The following AGAP1 variants were observed in gnomAD, a reference collection of about 807,000 sequenced individuals.
AGAP1 encodes ArfGAP with GTPase domain, ankyrin repeat and PH domain 1, also known as arf-GAP with GTPase, ANK repeat and PH domain-containing protein 1.
In AGAP1, 29 loss-of-function variants were observed where a neutral mutation model predicts 105.3. That is an observed-to-expected ratio of 0.28 (90% CI 0.21 to 0.38). The LOEUF (loss-of-function observed/expected upper bound fraction) is 0.38, where lower values mean the gene tolerates loss of function less well. Ranked by LOEUF, AGAP1 falls within the 10% of genes least tolerant of loss-of-function variation. AGAP1 has a pLI of 1.00. For synonymous variants in AGAP1, 509 were observed against 485.9 expected (o/e 1.05, Z -0.63); for missense variants, 998 against 1,165.1 (o/e 0.86, Z 2.09).
At position 236,126,280 on chromosome 2, in the gene AGAP1, CAGGTCATTGCCT is replaced by C. The variant is rs1316356104; in HGVS notation, c.*2160_*2171del. On this transcript the variant is annotated 3_prime_UTR_variant, in exon 18 of 18. Transcript: ENST00000304032. ...TATTGTAAATGTGAATAGAAAAAAA[CAGGTCATTGCCT>C]ATTTTTGAAGAACGCGTTGGTGTTC... is the stretch of plus-strand genomic sequence containing the variant. The C allele has an allele frequency of 1.3e-5, 2 of 152,166 alleles. No homozygotes were observed. The highest frequency in any genetic ancestry group is 1.3e-4 in the Admixed American group (2 of 15,282). 9.4% of individuals were successfully genotyped at this position (152,166 alleles called of 1,614,324 possible). A position where few individuals can be genotyped will look rare whatever the true frequency, so the allele number is the denominator to read the frequency against.
chr2:235,966,288 C>T (rs1374221779), intron 12 of AGAP1, among the ~76,000 whole-genome samples: 2 of 137,186 alleles, frequency 1.5e-5, no homozygotes, highest in African/African-American at 5.5e-5. Flanking sequence ...GCCTGTTCCT[C>T]TGGGGATGGA....
chr2:235,643,172 C>T (rs1039677340), intron 1 of AGAP1, among the ~76,000 whole-genome samples: 3 of 151,940 alleles, frequency 2.0e-5, no homozygotes, highest in African/African-American at 7.3e-5. Context: ...GTGGCTCGCA[C>T]GTGTAATACC....
rs1951820980 is a variant in AGAP1 at position 235,729,385 on chromosome 2, A to G, written c.311-11578A>G. On this transcript the variant is annotated intron_variant, in intron 3 of 17. Transcript: ENST00000304032. This position sits in a 1 kb window ranked among gnomAD's most constrained non-coding sequence, Gnocchi z 5.0. Reference sequence around the variant, plus strand: ...CTGGCAGTACCTCAGTGGCAGATGCAGCTCGTTCCAAGATGTTCCAGAGGC... The same window carrying G: ...CTGGCAGTACCTCAGTGGCAGATGCGGCTCGTTCCAAGATGTTCCAGAGGC... 6.6e-6 allele frequency among the ~76,000 whole-genome samples: 1 copy of G among 152,176 alleles called. No homozygotes were observed. The highest frequency in any genetic ancestry group is 1.5e-5 in the Non-Finnish European group (1 of 68,032).
intron 1 of AGAP1, chr2:235,670,826 G>T (rs1035249185): frequency 3.5e-6 from 5 of 1,412,428 alleles, no homozygotes; most frequent in African/African-American, 1.5e-5. Flanking sequence ...GGACAACAGC[G>T]ACCTGCAGCG....
chr2:235,534,210 T>G (rs1302151552), intron 1 of AGAP1, among the ~76,000 whole-genome samples: 1 of 152,138 alleles, frequency 6.6e-6, no homozygotes, highest in Non-Finnish European at 1.5e-5. Flanking sequence ...TGCCAGATGG[T>G]CGGTGTTCTT....
chr2:235,638,361 G>A (rs1348045965), intron 1 of AGAP1, among the ~76,000 whole-genome samples: 1 of 152,186 alleles, frequency 6.6e-6, no homozygotes, highest in African/African-American at 2.4e-5. Context: ...CCAGGCCTAT[G>A]TCTTGGGAGG....
intron 16 of AGAP1, among the ~76,000 whole-genome samples, chr2:236,110,498 G>A (rs937550247): frequency 1.3e-5 from 2 of 152,094 alleles, no homozygotes; most frequent in Non-Finnish European, 2.9e-5. Context: ...GGGAGTTCCA[G>A]ACTGCAGTGA....
Position 236,083,458 on chromosome 2 carries a change from G to A in AGAP1, c.2114+34177G>A, listed in dbSNP as rs959157816. On this transcript the variant is annotated intron_variant, in intron 16 of 17. Transcript: ENST00000304032. The surrounding 1 kb of genome is among the most constrained non-coding windows in gnomAD (Gnocchi z 5.3). Reference sequence around the variant, plus strand: ...TTTTTGGTATAAGCCCATCAAAGTTGGTGCCTAAATGCTGCAACTGATTCT... The same window carrying A: ...TTTTTGGTATAAGCCCATCAAAGTTAGTGCCTAAATGCTGCAACTGATTCT... 1.3e-5 allele frequency among the ~76,000 whole-genome samples: 2 copies of A among 152,160 alleles called. No individual in the cohort carries two copies. The highest frequency in any genetic ancestry group is 2.4e-5 in the African/African-American group (1 of 41,418).
chr2:235,780,541 G>T (rs924709011), intron 6 of AGAP1, among the ~76,000 whole-genome samples: 2 of 152,226 alleles, frequency 1.3e-5, no homozygotes, highest in African/African-American at 2.4e-5. Flanking sequence ...ACGGTGGGTA[G>T]AGTTGCTCGG....
chr2:235,799,546 A>G lies in AGAP1; in HGVS notation c.957+24A>G. 1.2e-6 allele frequency: 2 copies of G among 1,609,846 alleles called. No individual in the cohort carries two copies. The highest frequency in any genetic ancestry group is 8.5e-7 in the Non-Finnish European group (1 of 1,176,682). ...CCGTGAGTGTCAACCCTGGGTGGAG[A>G]TTTGAATGCGATTCCGAAGCGTTCC... On this transcript the variant is annotated intron_variant, in intron 8 of 17. Coordinates refer to ENST00000304032, the MANE Select transcript of AGAP1 (RefSeq NM_001037131.3). The surrounding 1 kb of genome is among the most constrained non-coding windows in gnomAD (Gnocchi z 5.0).
chr2:235,753,204 C>T lies in AGAP1; in HGVS notation c.673+2716C>T, dbSNP rs1014702271. ...ACCCACCTCTGTGTTGGAAGCATTT[C>T]GTTTTCTTCAGGTTGGGGGTGGCAA... On this transcript the variant is annotated intron_variant, in intron 6 of 17. Coordinates refer to ENST00000304032, the MANE Select transcript of AGAP1 (RefSeq NM_001037131.3). This position sits in a 1 kb window ranked among gnomAD's most constrained non-coding sequence, Gnocchi z 4.5. 6.6e-6 allele frequency among the ~76,000 whole-genome samples: 1 copy of T among 152,118 alleles called. No individual in the cohort carries two copies. The highest frequency in any genetic ancestry group is 1.5e-5 in the Non-Finnish European group (1 of 68,024).
intron 6 of AGAP1, among the ~76,000 whole-genome samples, chr2:235,773,673 G>A (rs917050315): frequency 4.6e-5 from 7 of 152,052 alleles, no homozygotes; most frequent in African/African-American, 1.7e-4. Context: ...AAATAATAGC[G>A]CCAGTTCATT....
chr2:235,806,852 TGTA>T (rs1445633410), intron 8 of AGAP1, among the ~76,000 whole-genome samples: 10 of 152,208 alleles, frequency 6.6e-5, no homozygotes, highest in Non-Finnish European at 1.0e-4. Flanking sequence ...CATATGTTGA[TGTA>T]GTAGATTTTC....
rs1179180336 is a variant in AGAP1 at position 235,992,806 on chromosome 2, G to C, written c.1645+24183G>C. Among the ~76,000 whole-genome samples the C allele has an allele frequency of 6.6e-6, 1 of 152,132 alleles. No homozygotes were observed. The highest frequency in any genetic ancestry group is 1.5e-5 in the Non-Finnish European group (1 of 68,040). ...ACGTAGCCTCCTGCTGCTCTTTGGG[G>C]TAGACCAGCCGTTTCCACGCACAGG... On this transcript the variant is annotated intron_variant, in intron 13 of 17. Coordinates refer to ENST00000304032, the MANE Select transcript of AGAP1 (RefSeq NM_001037131.3). The surrounding 1 kb of genome is among the most constrained non-coding windows in gnomAD (Gnocchi z 4.8).
chr2:235,563,968 T>C (rs1206104388), intron 1 of AGAP1, among the ~76,000 whole-genome samples: 2 of 152,114 alleles, frequency 1.3e-5, no homozygotes, highest in Non-Finnish European at 2.9e-5. Context: ...AGGTCTGTGA[T>C]TCCCAGACCC....
At chr2:235,628,868 G>C (rs962319986) in intron 1 of AGAP1, among the ~76,000 whole-genome samples, 4 of 151,996 alleles carry the variant, frequency 2.6e-5, no homozygotes, top group Admixed American at 6.6e-5. Flanking sequence ...CTGGAGTGCA[G>C]TGCTGTGATC....
chr2:235,787,065 C>T lies in AGAP1; in HGVS notation c.674-10694C>T, dbSNP rs1048503880. On this transcript the variant is annotated intron_variant, in intron 6 of 17. Transcript: ENST00000304032. The surrounding 1 kb of genome is among the most constrained non-coding windows in gnomAD (Gnocchi z 4.4). Reference sequence around the variant, plus strand: ...CACTCTGACACATACTTAGGCAGTGCTCAGAGTCGAGCTGGCCTGGGGCCG... The same window carrying T: ...CACTCTGACACATACTTAGGCAGTGTTCAGAGTCGAGCTGGCCTGGGGCCG... 4.6e-5 allele frequency among the ~76,000 whole-genome samples: 7 copies of T among 152,372 alleles called. No homozygotes were observed. Among genetic ancestry groups the T allele is most frequent in the African/African-American group, 1.7e-4 (7 of 41,598 alleles).
chr2:235,892,518 A>G (rs1284550687), intron 10 of AGAP1, among the ~76,000 whole-genome samples: 2 of 152,120 alleles, frequency 1.3e-5, no homozygotes, highest in African/African-American at 4.8e-5. Context: ...TTACTGATGT[A>G]AAGACAACAA....
chr2:235,925,135 C>T (rs536737621), intron 11 of AGAP1, among the ~76,000 whole-genome samples: 1 of 152,182 alleles, frequency 6.6e-6, no homozygotes, highest in Non-Finnish European at 1.5e-5. Context: ...CCCTCGGCTT[C>T]CGGGGTAGAA....
Sources: gnomAD v4.1 joint callset for allele counts (sites outside exome capture counted in the v4.1 genomes callset) on GRCh38, gnomAD v4.1.1 for gene constraint, Gnocchi (gnomAD v3.1) non-coding constraint, MANE v1.5 for transcripts, NCBI Gene and HGNC (gene_info 2026-07-23, HGNC 2026-07-21) for gene names.